Variants in BCKDHB observed in about 807,000 individuals in gnomAD.
The protein encoded by BCKDHB is 2-oxoisovalerate dehydrogenase subunit beta, mitochondrial.
A neutral mutation model predicts 48.5 loss-of-function variants in BCKDHB; 41 were observed. That is an observed-to-expected ratio of 0.85 (90% CI 0.66 to 1.10). BCKDHB has a LOEUF of 1.10. BCKDHB is among the 50% of genes least tolerant of loss of function. BCKDHB has a pLI of 0.00. For missense variants in BCKDHB, 496 were observed against 494.2 expected, an observed-to-expected ratio of 1.00 and a Z score of -0.03; for synonymous variants, 201 against 174.8, an observed-to-expected ratio of 1.15 and a Z score of -1.18.
chr6:80,111,267 C>CCTGGGGGCT (rs1300376064), intron 1 of BCKDHB, among the ~76,000 whole-genome samples: 4 of 152,130 alleles, frequency 2.6e-5, no homozygotes, highest in African/African-American at 7.2e-5. Context: ...TCCAGAGTTA[C>CCTGGGGGCT]CTGGGGGCTC....
chr6:80,107,085 C>G (rs1310466252), intron 1 of BCKDHB, among the ~76,000 whole-genome samples, 196 bp downstream of exon 1: 1 of 151,758 alleles, frequency 6.6e-6, no homozygotes, highest in African/African-American at 2.4e-5. Flanking sequence ...GTTCAGCCCT[C>G]GAGACGCAGT....
At chr6:80,151,025 C>T (rs1253210584) in intron 3 of BCKDHB, among the ~76,000 whole-genome samples, 1 of 152,120 alleles carries the variant, frequency 6.6e-6, no homozygotes, top group Admixed American at 6.6e-5. Context: ...GATACATGTG[C>T]ATATATGTGT....
At chr6:80,116,909 AG>A (rs1769736622) in intron 1 of BCKDHB, among the ~76,000 whole-genome samples, 1 of 152,200 alleles carries the variant, frequency 6.6e-6, no homozygotes, top group South Asian at 2.1e-4. Context: ...ACATGCTATA[AG>A]TAGGTTTATC....
intron 9 of BCKDHB, among the ~76,000 whole-genome samples, chr6:80,279,008 A>G (rs1015214978): frequency 6.6e-6 from 1 of 152,222 alleles, no homozygotes; most frequent in African/African-American, 2.4e-5. Context: ...TGAATGTGAA[A>G]CAATGAGAAA....
intron 6 of BCKDHB, among the ~76,000 whole-genome samples, chr6:80,177,862 T>C (rs964589145): frequency 1.4e-4 from 21 of 152,218 alleles, no homozygotes; most frequent in African/African-American, 5.1e-4. Context: ...TTACCTGTAG[T>C]GTATAATTTT....
intron 9 of BCKDHB, among the ~76,000 whole-genome samples, chr6:80,343,031 G>T (rs1372461501): frequency 6.6e-6 from 1 of 152,154 alleles, no homozygotes; most frequent in Non-Finnish European, 1.5e-5. Context: ...GGCTGGGGAG[G>T]TGCTGTCAAG....
At chr6:80,147,293 T>G (rs971241093) in intron 3 of BCKDHB, among the ~76,000 whole-genome samples, 1 of 152,178 alleles carries the variant, frequency 6.6e-6, no homozygotes, top group Admixed American at 6.5e-5. Context: ...TGATTAAGTT[T>G]GAAGAAACTG....
intron 8 of BCKDHB, among the ~76,000 whole-genome samples, chr6:80,264,599 C>T (rs1226538690): frequency 2.0e-5 from 3 of 152,024 alleles, no homozygotes; most frequent in Non-Finnish European, 4.4e-5. Flanking sequence ...GGAGTGCTGT[C>T]ATGGATAAGC....
chr6:80,337,612 A>G (rs1769659203), intron 9 of BCKDHB, among the ~76,000 whole-genome samples: 1 of 151,636 alleles, frequency 6.6e-6, no homozygotes, highest in South Asian at 2.1e-4. Context: ...TATATTACAT[A>G]TATATTTATC....
the BCKDHB span, among the ~76,000 whole-genome samples, chr6:80,423,589 G>A: frequency 2.0e-5 from 3 of 152,212 alleles, no homozygotes; most frequent in South Asian, 4.1e-4. Context: ...CAAATCTATA[G>A]CTTTAAGCCA....
chr6:80,427,979 C>T, the BCKDHB span, among the ~76,000 whole-genome samples: 231 of 152,060 alleles, frequency 1.5e-3, no homozygotes, highest in Non-Finnish European at 1.3e-3. Flanking sequence ...TTTGCTGCAC[C>T]GTCACCTACA....
At chr6:80,356,460 TTATG>T in the BCKDHB span, 1 of 152,172 alleles carries the variant, frequency 6.6e-6, no homozygotes, top group Admixed American at 6.5e-5. Context: ...ATTATGAAAA[TTATG>T]TAGCAAGATA....
At chr6:80,290,438 G>C (rs147031021) in intron 9 of BCKDHB, among the ~76,000 whole-genome samples, 2 of 152,360 alleles carry the variant, frequency 1.3e-5, no homozygotes, top group Non-Finnish European at 2.9e-5. Flanking sequence ...GACCTGGTGA[G>C]GGGGCCATGT....
chr6:80,218,828 C>T (rs944928133), intron 8 of BCKDHB, among the ~76,000 whole-genome samples: 4 of 151,940 alleles, frequency 2.6e-5, no homozygotes, highest in Non-Finnish European at 4.4e-5. Context: ...GTTTTATAAC[C>T]GAAATGAAAT....
chr6:80,126,583 C>T (rs1054865542), intron 1 of BCKDHB, among the ~76,000 whole-genome samples: 3 of 152,052 alleles, frequency 2.0e-5, no homozygotes, highest in African/African-American at 4.8e-5. Context: ...TGGGTTAAGG[C>T]GACTACCAGC....
the BCKDHB span, among the ~76,000 whole-genome samples, chr6:80,429,996 TG>T: frequency 6.6e-6 from 1 of 152,222 alleles, no homozygotes; most frequent in Non-Finnish European, 1.5e-5. Flanking sequence ...CTATTGGCTG[TG>T]GGTTTGTCAT....
the BCKDHB span, among the ~76,000 whole-genome samples, chr6:80,392,937 C>A: frequency 6.8e-6 from 1 of 146,372 alleles, no homozygotes; most frequent in Non-Finnish European, 1.5e-5. Flanking sequence ...AAATAACATG[C>A]AATTTCTTGA....
Position 80,267,339 on chromosome 6 carries a change from TTGCATTGTC to T in BCKDHB, c.952-5795_952-5787del, listed in dbSNP as rs1433904197. On this transcript the variant is annotated intron_variant, in intron 8 of 9. Coordinates refer to ENST00000320393, the MANE Select transcript of BCKDHB (RefSeq NM_183050.4). ...CTGGTTTTAGGTTTCATATAATATT[TTGCATTGTC>T]AGCTCCCTGAAATTCTACTGGGAAA... Among the ~76,000 whole-genome samples, 3 of 152,218 alleles carry T rather than the reference TTGCATTGTC, an allele frequency of 2.0e-5. No individual in the cohort carries two copies. In the East Asian group the frequency reaches 5.8e-4, roughly 29 times the overall value.
At chr6:80,148,931 A>G (rs1771621114) in intron 3 of BCKDHB, among the ~76,000 whole-genome samples, 1 of 152,208 alleles carries the variant, frequency 6.6e-6, no homozygotes, top group African/African-American at 2.4e-5. Context: ...TGTCTAAAAC[A>G]CCAAAATCAA....
Sources: allele counts gnomAD v4.1 joint callset (sites outside exome capture counted in the v4.1 genomes callset), GRCh38; gene constraint gnomAD v4.1.1; transcripts MANE v1.5; gene names NCBI Gene and HGNC (gene_info 2026-07-23, HGNC 2026-07-21).